FGD6: variants seen among roughly 807,000 people sequenced by gnomAD.
The protein encoded by FGD6 is FYVE, RhoGEF and PH domain containing 6, also known as FYVE, RhoGEF and PH domain-containing protein 6.
Under a neutral mutation model 149.4 loss-of-function variants are expected in FGD6, and 90 were observed. The observed-to-expected ratio is 0.60, with a 90% CI of 0.51 to 0.72. The LOEUF (loss-of-function observed/expected upper bound fraction) is 0.72, where lower values mean the gene tolerates loss of function less well. Ranked by LOEUF, FGD6 falls within the 30% of genes least tolerant of loss-of-function variation. The pLI, the probability that FGD6 is intolerant of heterozygous loss-of-function variation, is 0.00. For synonymous variants in FGD6, 527 were observed against 584.0 expected (o/e 0.90, Z 1.41); for missense variants, 1,437 against 1,684.8 (o/e 0.85, Z 2.57).
chr12:95,113,741 C>A, intron 8 of FGD6, 40 bp from the exon 9 acceptor site: 2 of 1,316,080 alleles, frequency 1.5e-6, no homozygotes, highest in African/African-American at 3.0e-5. Flanking sequence ...TACAATAAAC[C>A]AGTGAGCCCC....
intron 14 of FGD6, among the ~76,000 whole-genome samples, chr12:95,103,455 T>G (rs945068143): frequency 1.3e-5 from 2 of 152,198 alleles, no homozygotes; most frequent in East Asian, 1.9e-4. Context: ...TGAATTACAT[T>G]ATGGCAACAT....
At chr12:95,198,976 T>C (rs576452070) in intron 2 of FGD6, among the ~76,000 whole-genome samples, 1 of 138,350 alleles carries the variant, frequency 7.2e-6, no homozygotes, top group Non-Finnish European at 1.6e-5. Flanking sequence ...AACAGCCATA[T>C]AATTCTGTGT....
Position 95,077,418 on chromosome 12 carries a change from G to A in FGD6, c.*4102C>T, listed in dbSNP as rs1023144542. The A allele has an allele frequency of 6.6e-6, 1 of 152,296 alleles. No individual in the cohort carries two copies. The highest frequency in any genetic ancestry group is 2.4e-5 in the African/African-American group (1 of 41,450). The allele number at this position is 152,296 out of a possible 1,614,324, so 9.4% of individuals were successfully genotyped here. On this transcript the variant is annotated 3_prime_UTR_variant, in exon 21 of 21. Coordinates refer to ENST00000343958, the MANE Select transcript of FGD6 (RefSeq NM_018351.4). ...GGTCAGCTATCACAGAGAAGTCTTG[G>A]ATAAACAGAGATGCGGATGGGTCAA...
rs937321071 is a variant in FGD6, at chr12:95,077,523, T to C, written c.*3997A>G. 7 of 152,238 alleles carry C rather than the reference T, an allele frequency of 4.6e-5. No individual in the cohort carries two copies. Among genetic ancestry groups the C allele is most frequent in the African/African-American group, 1.4e-4 (6 of 41,440 alleles). 9.4% of individuals were successfully genotyped at this position (152,238 alleles called of 1,614,324 possible). A position where few individuals can be genotyped will look rare whatever the true frequency, so the allele number is the denominator to read the frequency against. ...GGAATGTATGGCAACTGAGGACGTGTTCCATGCCAAGTCACTGGGAAAGCC... is the reference window on the plus strand; with the variant it reads ...GGAATGTATGGCAACTGAGGACGTGCTCCATGCCAAGTCACTGGGAAAGCC... On this transcript the variant is annotated 3_prime_UTR_variant, in exon 21 of 21. Coordinates refer to ENST00000343958, the MANE Select transcript of FGD6 (RefSeq NM_018351.4).
At position 95,143,751 on chromosome 12, in the gene FGD6, T is replaced by C. The variant is rs188504600; in HGVS notation, c.2686-2212A>G. Among the ~76,000 whole-genome samples the C allele has an allele frequency of 2.7e-3, 416 of 152,340 alleles. 1 individual carries two copies. The highest frequency in any genetic ancestry group is 4.6e-3 in the Admixed American group (71 of 15,290). ...GGCTGTCTGCTATCATGCAGGGCTATAGAATACATTTACACATCATGAATA... is the reference window on the plus strand; with the variant it reads ...GGCTGTCTGCTATCATGCAGGGCTACAGAATACATTTACACATCATGAATA... On this transcript the variant is annotated intron_variant, in intron 5 of 20. Coordinates refer to ENST00000343958, the MANE Select transcript of FGD6 (RefSeq NM_018351.4).
At chr12:95,176,716 A>AT (rs1270557150) in intron 2 of FGD6, among the ~76,000 whole-genome samples, 3 of 152,156 alleles carry the variant, frequency 2.0e-5, no homozygotes, top group Non-Finnish European at 4.4e-5. Flanking sequence ...GTTTCTATAT[A>AT]TTTACAGCAC....
intron 6 of FGD6, among the ~76,000 whole-genome samples, chr12:95,138,865 C>CA (rs1193814226): frequency 5.9e-5 from 9 of 152,204 alleles, no homozygotes; most frequent in Non-Finnish European, 4.4e-5. Context: ...CTCTGCAACT[C>CA]AGAAACTGCT....
chr12:95,102,443 C>CAAAAAAAA (rs55926317), intron 14 of FGD6, among the ~76,000 whole-genome samples: 42 of 104,194 alleles, frequency 4.0e-4, no homozygotes, highest in Non-Finnish European at 5.7e-4. Flanking sequence ...GACCCTTTCT[C>CAAAAAAAA]AAAAAAAAAA....
intron 2 of FGD6, among the ~76,000 whole-genome samples, chr12:95,175,151 A>T (rs1881099212): frequency 6.6e-6 from 1 of 152,182 alleles, no homozygotes; most frequent in Non-Finnish European, 1.5e-5. Flanking sequence ...ACACAATGCC[A>T]TGAAACAAGG....
At chr12:95,207,676 G>T (rs964239178) in intron 2 of FGD6, among the ~76,000 whole-genome samples, 1 of 152,158 alleles carries the variant, frequency 6.6e-6, no homozygotes, top group Non-Finnish European at 1.5e-5. Context: ...CCTCTTGCTT[G>T]GCTTTATCCA....
chr12:95,158,754 G>A (rs1880553128), intron 3 of FGD6, among the ~76,000 whole-genome samples: 1 of 152,064 alleles, frequency 6.6e-6, no homozygotes. Context: ...TGGCATGGTG[G>A]TTCATGTCTG....
At position 95,209,882 on chromosome 12, in the gene FGD6, G is replaced by A; in HGVS notation, c.1402C>T (p.Gln468Ter). Residue 468 changes from glutamine to a stop codon, truncating the protein, a stop_gained, in exon 2 of 21, where the codon CAA (glutamine) becomes TAA (stop). Transcript: ENST00000343958. LOFTEE classifies it high-confidence loss of function. ...QLKLTCNEHL[Q>*]SGRNLGVSAP... is the part of the protein sequence containing the mutation. ...GAAACTCCCAGGTTTCTCCCAGATT[G>A]CAAATGTTCATTGCAAGTTAATTTG... The A allele has an allele frequency of 1.9e-6, 3 of 1,613,268 alleles. No individual in the cohort carries two copies. The highest frequency in any genetic ancestry group is 2.5e-6 in the Non-Finnish European group (3 of 1,179,896).
At chr12:95,085,725 T>C in intron 19 of FGD6, 55 bp downstream of exon 19, 1 of 1,544,778 alleles carries the variant, frequency 6.5e-7, no homozygotes, top group South Asian at 1.2e-5. Flanking sequence ...TTGTAATTAC[T>C]TGCAGTTGGC....
intron 2 of FGD6, among the ~76,000 whole-genome samples, chr12:95,196,420 C>T (rs1372539446): frequency 6.6e-6 from 1 of 151,852 alleles, no homozygotes; most frequent in Non-Finnish European, 1.5e-5. Context: ...TTAGTAGAGA[C>T]GGGGTTTCAC....
chr12:95,153,947 G>A (rs2136273739), intron 3 of FGD6, among the ~76,000 whole-genome samples: 1 of 134,602 alleles, frequency 7.4e-6, no homozygotes, highest in East Asian at 2.1e-4. Flanking sequence ...GTGTGTGTGT[G>A]AGTGAGAGAG....
intron 2 of FGD6, among the ~76,000 whole-genome samples, chr12:95,177,619 G>A (rs1381346821): frequency 6.6e-6 from 1 of 151,778 alleles, no homozygotes; most frequent in Non-Finnish European, 1.5e-5. Context: ...TTCAAATGCT[G>A]TCTCATTATG....
Position 95,117,436 on chromosome 12 carries a change from CT to C in FGD6, c.3083-3736del, listed in dbSNP as rs377214497. Reference sequence around the variant, plus strand: ...TGCAAGCTGCCTTTTTTTTTTCTTTCTTTTTTTGGAGGGTCTCGCTCTGTTG... The same window carrying C: ...TGCAAGCTGCCTTTTTTTTTTCTTTCTTTTTTGGAGGGTCTCGCTCTGTTG... On this transcript the variant is annotated intron_variant, in intron 8 of 20. Coordinates refer to ENST00000343958, the MANE Select transcript of FGD6 (RefSeq NM_018351.4). Among the ~76,000 whole-genome samples, 116 of 150,372 alleles carry C rather than the reference CT, an allele frequency of 7.7e-4. 1 individual carries two copies. The highest frequency in any genetic ancestry group is 2.8e-3 in the African/African-American group (113 of 40,980).
intron 8 of FGD6, among the ~76,000 whole-genome samples, chr12:95,131,474 A>T (rs1313963022): frequency 4.6e-5 from 7 of 152,114 alleles, no homozygotes; most frequent in African/African-American, 1.7e-4. Flanking sequence ...CATATCCAAA[A>T]CTGACCCAGA....
chr12:95,085,644 C>G, intron 19 of FGD6, 136 bp downstream of exon 19: 1 of 910,482 alleles, frequency 1.1e-6, no homozygotes, highest in Non-Finnish European at 1.6e-6. Context: ...TTAAAAATAA[C>G]AGCAACAACA....
Sources: gnomAD v4.1 joint callset for allele counts (sites outside exome capture counted in the v4.1 genomes callset) on GRCh38, gnomAD v4.1.1 for gene constraint, MANE v1.5 for transcripts, NCBI Gene and HGNC (gene_info 2026-07-23, HGNC 2026-07-21) for gene names.